RICTOR: variants seen among roughly 807,000 people sequenced by gnomAD.
RICTOR encodes the protein RPTOR independent companion of MTOR complex 2, also known as rapamycin-insensitive companion of mTOR.
In RICTOR, 49 loss-of-function variants were observed where a neutral mutation model predicts 214.9. That is an observed-to-expected ratio of 0.23 (90% CI 0.18 to 0.29). The LOEUF (loss-of-function observed/expected upper bound fraction) is 0.29, where lower values mean the gene tolerates loss of function less well. RICTOR is among the 10% of genes least tolerant of loss of function. RICTOR has a pLI of 1.00. For synonymous variants in RICTOR, 717 were observed against 711.3 expected, an observed-to-expected ratio of 1.01 and a Z score of -0.13; for missense variants, 1,625 against 2,047.0, an observed-to-expected ratio of 0.79 and a Z score of 3.98.
At chr5:38,990,707 A>ATATATATC (rs1281321409) in intron 7 of RICTOR, among the ~76,000 whole-genome samples, 5,530 of 90,426 alleles carry the variant, frequency 0.061, 839 homozygotes, top group Middle Eastern at 0.097. Context: ...TATATCAGAT[A>ATATATATC]TGATATATAT....
chr5:39,009,914 C>T (rs1754368444), intron 3 of RICTOR, among the ~76,000 whole-genome samples: 1 of 152,110 alleles, frequency 6.6e-6, no homozygotes, highest in African/African-American at 2.4e-5. Context: ...GTGATGACTA[C>T]CTTACTAGTT....
At chr5:38,948,283 T>C (rs531408418) in intron 31 of RICTOR, among the ~76,000 whole-genome samples, 72 of 152,218 alleles carry the variant, frequency 4.7e-4, no homozygotes, top group Admixed American at 1.1e-3. Flanking sequence ...CAAATAATTA[T>C]TTTGTAAAAC....
At chr5:38,996,749 C>G (rs1372489355) in intron 6 of RICTOR, 70 bp downstream of exon 6, 4 of 905,936 alleles carry the variant, frequency 4.4e-6, no homozygotes, top group East Asian at 2.5e-5. Context: ...TCACAAAAGT[C>G]TAATCTAAAA....
In RICTOR at chr5:38,993,195, T is replaced by C. The variant is rs75335261; in HGVS notation, c.457-2120A>G. Among the ~76,000 whole-genome samples, 1,057 of 152,344 alleles carry C rather than the reference T, an allele frequency of 6.9e-3. 53 individuals are homozygous for C. In the East Asian group the frequency reaches 0.12, roughly 18 times the overall value. ...TTGGAAATTTTGCAGAAGAGGGTTC[T>C]TGCTCTGGCTTTGCCACTATCTTGC... On this transcript the variant is annotated intron_variant, in intron 6 of 37. Transcript: ENST00000357387.
At chr5:38,960,615 A>T (rs973966233) in intron 19 of RICTOR, 82 bp from the exon 20 acceptor site, 1 of 1,382,142 alleles carries the variant, frequency 7.2e-7, no homozygotes, top group Non-Finnish European at 1.0e-6. Context: ...TGACATAATA[A>T]GGCTTTCAGA....
intron 8 of RICTOR, among the ~76,000 whole-genome samples, chr5:38,980,162 T>C (rs1054033901): frequency 6.6e-6 from 1 of 152,222 alleles, no homozygotes; most frequent in Non-Finnish European, 1.5e-5. Context: ...ATTTCTCTTC[T>C]TGAACAAATT....
At chr5:38,964,374 T>C (rs1579932626) in intron 16 of RICTOR, among the ~76,000 whole-genome samples, 1 of 151,838 alleles carries the variant, frequency 6.6e-6, no homozygotes, top group Non-Finnish European at 1.5e-5. Context: ...TGTGGCCCAG[T>C]AGTACTTGTT....
At chr5:39,067,048 A>G (rs1180317246) in intron 2 of RICTOR, among the ~76,000 whole-genome samples, 1 of 152,196 alleles carries the variant, frequency 6.6e-6, no homozygotes, top group South Asian at 2.1e-4. Flanking sequence ...ATTTTCAGGT[A>G]TCTTTAGAGC....
chr5:39,016,983 T>C (rs929132697), intron 3 of RICTOR, among the ~76,000 whole-genome samples: 3 of 152,238 alleles, frequency 2.0e-5, no homozygotes, highest in Non-Finnish European at 2.9e-5. Context: ...GTTAATGTCA[T>C]GTTTCTTTTT....
intron 14 of RICTOR, 80 bp from the exon 15 acceptor site, chr5:38,966,801 A>AATTT: frequency 1.8e-6 from 1 of 549,428 alleles, no homozygotes; most frequent in Non-Finnish European, 3.1e-6. Flanking sequence ...ATTTTTCAAA[A>AATTT]TTTTTTTTTT....
intron 3 of RICTOR, among the ~76,000 whole-genome samples, chr5:39,017,408 T>C (rs934745951): frequency 6.6e-6 from 1 of 152,106 alleles, no homozygotes; most frequent in Non-Finnish European, 1.5e-5. Context: ...TCTTAAAGAT[T>C]TGACATTATC....
rs142930907 is a variant in RICTOR at position 38,965,138 on chromosome 5, A to C, written c.1300-246T>G. On this transcript the variant is annotated intron_variant, in intron 15 of 37. Transcript: ENST00000357387. ...AACCATTAAGTTTCATAGATTCTTT[A>C]TTATAATATTATGGTTTTAAGTGGT... Among the ~76,000 whole-genome samples the C allele has an allele frequency of 1.5e-3, 235 of 152,078 alleles. 2 individuals are homozygous for C. Among genetic ancestry groups the C allele is most frequent in the African/African-American group, 5.4e-3 (226 of 41,544 alleles).
At chr5:38,992,730 T>TA (rs1752878487) in intron 6 of RICTOR, among the ~76,000 whole-genome samples, 1 of 152,210 alleles carries the variant, frequency 6.6e-6, no homozygotes, top group Non-Finnish European at 1.5e-5. Flanking sequence ...AAGAAACTCT[T>TA]AAATTGTGTG....
At chr5:38,964,096 T>C (rs1750018170) in intron 16 of RICTOR, among the ~76,000 whole-genome samples, 3 of 151,708 alleles carry the variant, frequency 2.0e-5, no homozygotes, top group Non-Finnish European at 4.4e-5. Context: ...AGCAAAAAAA[T>C]AAAATCGTCC....
chr5:39,036,773 T>A (rs1756740553), intron 2 of RICTOR, among the ~76,000 whole-genome samples: 1 of 152,180 alleles, frequency 6.6e-6, no homozygotes, highest in Non-Finnish European at 1.5e-5. Flanking sequence ...CTAAGTATCC[T>A]AAATATATAT....
At chr5:39,009,387 C>T (rs1052952218) in intron 3 of RICTOR, among the ~76,000 whole-genome samples, 14 of 151,998 alleles carry the variant, frequency 9.2e-5, no homozygotes, top group African/African-American at 3.4e-4. Flanking sequence ...CAAACACGCA[C>T]CATTTAAAAA....
intron 3 of RICTOR, among the ~76,000 whole-genome samples, chr5:39,019,963 T>C (rs529465930): frequency 6.6e-6 from 1 of 152,278 alleles, no homozygotes; most frequent in African/African-American, 2.4e-5. Flanking sequence ...AAGAAGTTTA[T>C]TCCAATACTC....
At chr5:39,054,140 T>C (rs981245961) in intron 2 of RICTOR, among the ~76,000 whole-genome samples, 2 of 151,476 alleles carry the variant, frequency 1.3e-5, no homozygotes, top group Admixed American at 6.6e-5. Flanking sequence ...GGGCTGAAAA[T>C]CTAGATGCTA....
chr5:39,043,213 T>C (rs909598444), intron 2 of RICTOR, among the ~76,000 whole-genome samples: 2 of 152,166 alleles, frequency 1.3e-5, no homozygotes, highest in Non-Finnish European at 2.9e-5. Context: ...CTATTCATAA[T>C]AGCCAAGATA....
Sources: allele counts gnomAD v4.1 joint callset (sites outside exome capture counted in the v4.1 genomes callset), GRCh38; gene constraint gnomAD v4.1.1; transcripts MANE v1.5; gene names NCBI Gene and HGNC (gene_info 2026-07-23, HGNC 2026-07-21).